Variants in IL1RAPL1 observed in about 807,000 individuals in gnomAD.
The protein encoded by IL1RAPL1 is interleukin-1 receptor accessory protein-like 1.
In IL1RAPL1, 3 loss-of-function variants were observed where a neutral mutation model predicts 48.4. The ratio of observed to expected loss-of-function variants is 0.06; its 90% CI spans 0.03 to 0.16. IL1RAPL1 has a LOEUF of 0.16. Ranked by LOEUF, IL1RAPL1 falls within the 10% of genes least tolerant of loss-of-function variation. The pLI, the probability that IL1RAPL1 is intolerant of heterozygous loss-of-function variation, is 1.00. For missense variants in IL1RAPL1, 349 were observed against 530.6 expected (o/e 0.66, Z 3.36); for synonymous variants, 185 against 187.7 (o/e 0.99, Z 0.12).
intron 3 of IL1RAPL1, among the ~76,000 whole-genome samples, chrX:29,323,731 AT>A (rs1432506560): frequency 1.8e-4 from 1 of 5,660 alleles, no homozygotes; most frequent in African/African-American, 1.0e-3. Flanking sequence ...ATATATATAT[AT>A]ATATATATAT....
At chrX:29,485,674 T>G in intron 5 of IL1RAPL1, among the ~76,000 whole-genome samples, 1 of 111,796 alleles carries the variant, frequency 8.9e-6, no homozygotes, top group South Asian at 3.8e-4. Context: ...AAGGACTTCC[T>G]TTTAACCTAA....
At chrX:29,471,472 C>T (rs1425500253) in intron 5 of IL1RAPL1, among the ~76,000 whole-genome samples, 1 of 110,942 alleles carries the variant, frequency 9.0e-6, no homozygotes. Context: ...TAGGTGCTCA[C>T]GAGGCAATTC....
chrX:29,730,259 A>G (rs1927881215), intron 6 of IL1RAPL1, among the ~76,000 whole-genome samples: 1 of 112,053 alleles, frequency 8.9e-6, no homozygotes, highest in African/African-American at 3.2e-5. Context: ...CAACAGTAAC[A>G]TTGCATTATT....
chrX:28,935,384 A>AT (rs1019038079), intron 2 of IL1RAPL1, among the ~76,000 whole-genome samples: 2 of 111,411 alleles, frequency 1.8e-5, no homozygotes, highest in South Asian at 3.7e-4. Flanking sequence ...TGAAAAAACT[A>AT]TTTTTTTCTC....
At chrX:29,308,392 C>T (rs1317394002) in intron 3 of IL1RAPL1, among the ~76,000 whole-genome samples, 4 of 111,604 alleles carry the variant, frequency 3.6e-5, no homozygotes, top group African/African-American at 9.8e-5. Context: ...GAACCAATCA[C>T]GGTGGCCAGT....
At chrX:29,446,114 T>C (rs997232428) in intron 5 of IL1RAPL1, among the ~76,000 whole-genome samples, 6 of 112,026 alleles carry the variant, frequency 5.4e-5, no homozygotes, top group Admixed American at 1.9e-4. Context: ...TATGATACAG[T>C]ACCAAACGGT....
At chrX:28,997,444 G>A (rs1925750156) in intron 2 of IL1RAPL1, among the ~76,000 whole-genome samples, 1 of 111,397 alleles carries the variant, frequency 9.0e-6, no homozygotes, top group Non-Finnish European at 1.9e-5. Flanking sequence ...TAAATGAAAT[G>A]TGTTTCAAAA....
intron 5 of IL1RAPL1, among the ~76,000 whole-genome samples, chrX:29,542,063 A>C (rs1419649900): frequency 1.8e-5 from 2 of 111,796 alleles, no homozygotes; most frequent in Admixed American, 1.9e-4. Flanking sequence ...GAGGCACGGT[A>C]TCCTTACTGG....
intron 5 of IL1RAPL1, among the ~76,000 whole-genome samples, chrX:29,466,688 T>TTA (rs1477479292): frequency 8.9e-6 from 1 of 112,226 alleles, no homozygotes; most frequent in Non-Finnish European, 1.9e-5. Flanking sequence ...TCTGTCGCAT[T>TTA]TATAGTGACA....
intron 2 of IL1RAPL1, among the ~76,000 whole-genome samples, chrX:28,961,311 T>C (rs947803033): frequency 2.7e-5 from 3 of 110,975 alleles, no homozygotes; most frequent in African/African-American, 9.9e-5. Flanking sequence ...GGAGCTATTT[T>C]CTCTCTGTAT....
intron 5 of IL1RAPL1, among the ~76,000 whole-genome samples, chrX:29,547,402 A>G (rs1433299653): frequency 9.0e-6 from 1 of 111,356 alleles, no homozygotes; most frequent in Non-Finnish European, 1.9e-5. Flanking sequence ...TAAAATAACA[A>G]TGAGAACCTC....
intron 2 of IL1RAPL1, among the ~76,000 whole-genome samples, chrX:29,266,039 C>T (rs968663266): frequency 1.8e-5 from 2 of 111,131 alleles, no homozygotes; most frequent in African/African-American, 6.5e-5. Flanking sequence ...TAGTTCAACC[C>T]TTGTGGAGGT....
At chrX:28,793,937 T>A (rs903637392) in intron 2 of IL1RAPL1, among the ~76,000 whole-genome samples, 3 of 111,005 alleles carry the variant, frequency 2.7e-5, no homozygotes. Flanking sequence ...AGAGTCAGGG[T>A]TCAAGGAAAT....
At chrX:29,746,921 T>C (rs1157236888) in intron 6 of IL1RAPL1, among the ~76,000 whole-genome samples, 1 of 112,380 alleles carries the variant, frequency 8.9e-6, no homozygotes, top group Non-Finnish European at 1.9e-5. Context: ...AGCTCATTCT[T>C]TACTAATCAT....
chrX:29,372,478 ATTAT>A (rs1933558522), intron 3 of IL1RAPL1, among the ~76,000 whole-genome samples: 1 of 111,693 alleles, frequency 9.0e-6, no homozygotes, highest in African/African-American at 3.3e-5. Flanking sequence ...TTTGCCAGAA[ATTAT>A]TTGTCAGTGC....
At chrX:28,664,710 G>A (rs1211274953) in intron 1 of IL1RAPL1, among the ~76,000 whole-genome samples, 1 of 111,405 alleles carries the variant, frequency 9.0e-6, no homozygotes, top group Non-Finnish European at 1.9e-5. Flanking sequence ...TTCCCTACAT[G>A]CTGATCACCT....
At chrX:29,067,811 G>A (rs1927481832) in intron 2 of IL1RAPL1, among the ~76,000 whole-genome samples, 1 of 111,611 alleles carries the variant, frequency 9.0e-6, no homozygotes, top group African/African-American at 3.3e-5. Flanking sequence ...AAAGTGTTAA[G>A]CAATTCCCCA....
chrX:29,704,798 T>C (rs1390685695), intron 6 of IL1RAPL1, among the ~76,000 whole-genome samples: 1 of 112,465 alleles, frequency 8.9e-6, no homozygotes, highest in African/African-American at 3.2e-5. Flanking sequence ...AAATAATAGG[T>C]TCTCTTTTAT....
intron 2 of IL1RAPL1, among the ~76,000 whole-genome samples, chrX:29,266,010 T>C (rs1030064637): frequency 1.8e-5 from 2 of 111,171 alleles, no homozygotes; most frequent in African/African-American, 6.5e-5. Flanking sequence ...ACTTTTACAC[T>C]GTTGGTGGGA....
Sources: allele counts gnomAD v4.1 joint callset (sites outside exome capture counted in the v4.1 genomes callset), GRCh38; gene constraint gnomAD v4.1.1; transcripts MANE v1.5; gene names NCBI Gene and HGNC (gene_info 2026-07-23, HGNC 2026-07-21).